Variants in SYNC observed in about 807,000 individuals in gnomAD.
SYNC encodes the protein syncoilin.
Under a neutral mutation model 49.5 loss-of-function variants are expected in SYNC, and 38 were observed. The ratio of observed to expected loss-of-function variants is 0.77; its 90% CI spans 0.59 to 1.01. SYNC has a LOEUF of 1.01. Ranked by LOEUF, SYNC falls within the 50% of genes least tolerant of loss-of-function variation. The pLI is 0.00. For missense variants in SYNC, 579 were observed against 580.6 expected (o/e 1.00, Z 0.03); for synonymous variants, 201 against 230.8 (o/e 0.87, Z 1.17).
chr1:32,683,877 C>T, intron 4 of SYNC, 133 bp downstream of exon 4: 1 of 803,454 alleles, frequency 1.2e-6, no homozygotes, highest in East Asian at 2.6e-5. Flanking sequence ...AGGTGATCCA[C>T]CCTCCTCAGC....
In SYNC at chr1:32,695,292, T is replaced by G; in HGVS notation, c.806A>C (p.Gln269Pro). Reference sequence around the variant, plus strand: ...CAGCACTTCCCGGAAATCGGCAAACTGAGCCACGTCCTGCTGGCGGCACTC... The same window carrying G: ...CAGCACTTCCCGGAAATCGGCAAACGGAGCCACGTCCTGCTGGCGGCACTC... ...QLECRQQDVA[Q>P]FADFREVLTT... The change falls in exon 2 of 5, where the codon CAG (glutamine) becomes CCG (proline). Residue 269 changes from glutamine to proline, a missense_variant. Transcript: ENST00000409190. 6.4e-7 allele frequency: 1 copy of G among 1,551,666 alleles called. No individual in the cohort carries two copies. The highest frequency in any genetic ancestry group is 8.7e-7 in the Non-Finnish European group (1 of 1,147,024).
intron 2 of SYNC, 44 bp downstream of exon 2, chr1:32,694,821 C>T: frequency 6.7e-7 from 1 of 1,501,842 alleles, no homozygotes; most frequent in South Asian, 1.4e-5. Context: ...CACTCTTTCC[C>T]CAGGTTAAAA....
At chr1:32,697,709 A>C (rs1195170742) in intron 1 of SYNC, among the ~76,000 whole-genome samples, 2 of 151,756 alleles carry the variant, frequency 1.3e-5, no homozygotes, top group Non-Finnish European at 2.9e-5. Flanking sequence ...TCTGCACCCC[A>C]GCCTGGGCAA....
chr1:32,693,897 A>G (rs552948342), intron 2 of SYNC, among the ~76,000 whole-genome samples: 88 of 152,304 alleles, frequency 5.8e-4, no homozygotes, highest in African/African-American at 2.1e-3. Flanking sequence ...TGAGCCCAGG[A>G]TTTCAAGACC....
rs1557868675 is a variant in SYNC at position 32,684,381 on chromosome 1, T to TAA, written c.1234_1235insTT (p.Glu412ValfsTer14). The TAA allele has an allele frequency of 6.2e-7, 1 of 1,614,202 alleles. No individual in the cohort carries two copies. Among genetic ancestry groups the TAA allele is most frequent in the Non-Finnish European group, 8.5e-7 (1 of 1,180,042 alleles). On this transcript the variant is annotated frameshift_variant and splice_region_variant, in exon 3 of 5. Transcript: ENST00000409190. LOFTEE classifies it high-confidence loss of function. ...GCGTTCTTCCATTTCCTCCAGCTGT[T>TAA]CCTGCATGAGATGGCCAAGAACATT...
At chr1:32,694,776 A>G (rs1557875464) in intron 2 of SYNC, 89 bp downstream of exon 2, 21 of 1,308,852 alleles carry the variant, frequency 1.6e-5, no homozygotes, top group Non-Finnish European at 2.1e-5. Context: ...TACATGTGAC[A>G]CTATCTTTCA....
At chr1:32,689,217 TGA>T (rs1392127424) in intron 2 of SYNC, among the ~76,000 whole-genome samples, 1 of 128,950 alleles carries the variant, frequency 7.8e-6, no homozygotes, top group Non-Finnish European at 1.6e-5. Flanking sequence ...ATTACAGGCG[TGA>T]GGCACCTCGC....
At chr1:32,699,145 TTTCTTTTC>T (rs1478941982) in intron 1 of SYNC, among the ~76,000 whole-genome samples, 1 of 91,112 alleles carries the variant, frequency 1.1e-5, no homozygotes, top group Admixed American at 1.3e-4. Flanking sequence ...AGAAGTGACT[TTTCTTTTC>T]TTTTTTTTTT....
intron 2 of SYNC, among the ~76,000 whole-genome samples, chr1:32,689,738 C>T (rs1364531830): frequency 6.6e-6 from 1 of 151,694 alleles, no homozygotes; most frequent in Non-Finnish European, 1.5e-5. Context: ...GTCAGGAGAT[C>T]AAAACCATCC....
Position 32,684,260 on chromosome 1 carries a change from A to T in SYNC, c.1356T>A (p.Tyr452Ter). 6.2e-7 allele frequency: 1 copy of T among 1,614,222 alleles called. No individual in the cohort carries two copies. Among genetic ancestry groups the T allele is most frequent in the South Asian group, 1.1e-5 (1 of 91,086 alleles). The change falls in exon 3 of 5, where the codon TAT becomes TAA. Residue 452 changes from tyrosine to a stop codon, truncating the protein, a stop_gained and splice_region_variant. Transcript: ENST00000409190. LOFTEE classifies it high-confidence loss of function. ...TTTGTATAGCAGCAGAAACTGACTT[A>T]TAAGTAGAGAGCTCTTCAGCAAGAC... ...RLSLAEELST[Y>*]KAMLLPKSLE...
rs1322360931 is a variant in SYNC, at chr1:32,695,918, G to A, written c.180C>T (p.Tyr60=). ...CATCAAGGTCACCTGTGTCCTCCAG[G>A]TAGAGAATGTCTTCGAGGTTTAAGG... The part of the protein sequence containing the change: ...EGSLNLEDIL[Y]LEDTGDLDET... Residue 60 remains tyrosine, a synonymous_variant, in exon 2 of 5, where the codon TAC becomes TAT. Transcript: ENST00000409190. 1.3e-6 allele frequency: 2 copies of A among 1,551,698 alleles called. No individual in the cohort carries two copies. The highest frequency in any genetic ancestry group is 2.4e-5 in the East Asian group (1 of 40,914).
chr1:32,681,554 A>G lies in SYNC; in HGVS notation c.*296T>C. 1 of 536,524 alleles carries G rather than the reference A, an allele frequency of 1.9e-6. No homozygotes were observed. The highest frequency in any genetic ancestry group is 3.3e-6 in the Non-Finnish European group (1 of 300,314). The allele number at this position is 536,524 out of a possible 1,614,324, so 33.2% of individuals were successfully genotyped here. ...TACATTCATCCTTCACTCAGTGCATATGTGAGGGTTGTTGCTGGAAGACAG... is the reference window on the plus strand; with the variant it reads ...TACATTCATCCTTCACTCAGTGCATGTGTGAGGGTTGTTGCTGGAAGACAG... On this transcript the variant is annotated 3_prime_UTR_variant, in exon 5 of 5. Transcript: ENST00000409190.
Position 32,680,074 on chromosome 1 carries a change from C to G in SYNC, c.*1776G>C, listed in dbSNP as rs1649327613. 9.3e-7 allele frequency: 1 copy of G among 1,072,048 alleles called. No individual in the cohort carries two copies. Among genetic ancestry groups the G allele is most frequent in the African/African-American group, 1.7e-5 (1 of 59,566 alleles). The allele number at this position is 1,072,048 out of a possible 1,614,324, so 66.4% of individuals were successfully genotyped here. A position where few individuals can be genotyped will look rare whatever the true frequency, so the allele number is the denominator to read the frequency against. ...GAATAGAGCCAAATGAGGTAGGTGT[C>G]TGAGCCATGAAGTATAAATACTGAA... On this transcript the variant is annotated 3_prime_UTR_variant, in exon 5 of 5. Transcript: ENST00000409190.
At chr1:32,697,781 G>T (rs1192595505) in intron 1 of SYNC, among the ~76,000 whole-genome samples, 2 of 151,464 alleles carry the variant, frequency 1.3e-5, no homozygotes, top group East Asian at 3.9e-4. Context: ...TTCCATACAT[G>T]TCCAGGTTTC....
chr1:32,683,863 C>CCT, intron 4 of SYNC, 147 bp downstream of exon 4: 5 of 708,578 alleles, frequency 7.1e-6, no homozygotes, highest in South Asian at 1.8e-5. Flanking sequence ...GAACTCCTGA[C>CCT]TCCAGGTGAT....
intron 2 of SYNC, among the ~76,000 whole-genome samples, chr1:32,694,634 A>T (rs1474133954): frequency 1.3e-5 from 2 of 151,700 alleles, no homozygotes; most frequent in African/African-American, 4.8e-5. Context: ...AGCCTGGGCG[A>T]CAGAGCGAGA....
chr1:32,687,254 G>A (rs182119638), intron 2 of SYNC, among the ~76,000 whole-genome samples: 9 of 151,836 alleles, frequency 5.9e-5, no homozygotes, highest in African/African-American at 1.7e-4. Flanking sequence ...TCAGCTACTC[G>A]GGAGGCTGAG....
At chr1:32,702,823 G>A (rs1650724194), upstream of SYNC, 1 of 475,498 alleles carries the variant, frequency 2.1e-6, no homozygotes, top group Non-Finnish European at 2.8e-6. This position sits in a 1 kb window ranked among gnomAD's most constrained non-coding sequence, Gnocchi z 6.2. Context: ...GCCGGGGGAG[G>A]AGGGAGCGGC....
At position 32,687,131 on chromosome 1, in the gene SYNC, G is replaced by A. The variant is rs191902947; in HGVS notation, c.1234-2749C>T. Among the ~76,000 whole-genome samples, 272 of 152,056 alleles carry A rather than the reference G, an allele frequency of 1.8e-3. 3 individuals carry two copies. The East Asian group carries it at 0.034, about 19-fold the overall frequency. On this transcript the variant is annotated intron_variant, in intron 2 of 4. Coordinates refer to ENST00000409190, the MANE Select transcript of SYNC (RefSeq NM_030786.3). ...TCTCAGCATTTTGGGAGGTTGAGGC[G>A]GGTGGATCATCTGAGGTCAGGAGTT...
Sources: allele counts gnomAD v4.1 joint callset (sites outside exome capture counted in the v4.1 genomes callset), GRCh38; gene constraint gnomAD v4.1.1; non-coding constraint Gnocchi (gnomAD v3.1); transcripts MANE v1.5; gene names NCBI Gene and HGNC (gene_info 2026-07-23, HGNC 2026-07-21).